Variants in SRGAP2 observed in about 807,000 individuals in gnomAD.
SRGAP2 encodes the protein SLIT-ROBO Rho GTPase activating protein 2.
SRGAP2 carries 15 observed loss-of-function variants against 57.2 expected under a neutral mutation model. The ratio of observed to expected loss-of-function variants is 0.26; its 90% CI spans 0.18 to 0.40. The LOEUF is 0.40. SRGAP2 is among the 10% of genes least tolerant of loss of function. SRGAP2 has a pLI of 1.00. For missense variants in SRGAP2, 520 were observed against 669.6 expected (o/e 0.78, Z 2.47); for synonymous variants, 249 against 248.0 (o/e 1.00, Z -0.04).
intron 11 of SRGAP2, among the ~76,000 whole-genome samples, chr1:206,417,414 CTT>C (rs1219905489): frequency 3.4e-3 from 373 of 110,774 alleles, no homozygotes; most frequent in African/African-American, 0.013. Context: ...GATCTTATGA[CTT>C]TTTTTTTTTT....
At chr1:206,423,839 A>G (rs537711304) in intron 13 of SRGAP2, among the ~76,000 whole-genome samples, 3 of 151,808 alleles carry the variant, frequency 2.0e-5, no homozygotes, top group South Asian at 2.1e-4. Flanking sequence ...CAGTGGCACA[A>G]TCTTGGCTCC....
intron 2 of SRGAP2, among the ~76,000 whole-genome samples, chr1:206,253,573 CTTTTTTT>C (rs71264673): frequency 2.0e-5 from 2 of 101,682 alleles, no homozygotes; most frequent in East Asian, 3.3e-4. Flanking sequence ...TTCTTTCTTT[CTTTTTTT>C]TTTTTTTTTT....
chr1:206,409,584 C>G (rs1434235444), intron 10 of SRGAP2, among the ~76,000 whole-genome samples: 2 of 152,014 alleles, frequency 1.3e-5, no homozygotes, highest in African/African-American at 4.8e-5. Flanking sequence ...GAGTTCAAGA[C>G]CAGCCTGGAC....
At position 206,324,827 on chromosome 1, in the gene SRGAP2, A is replaced by G. The variant is rs1211822594; in HGVS notation, c.261-18019A>G. Among the ~76,000 whole-genome samples the G allele has an allele frequency of 2.6e-5, 4 of 152,168 alleles. No homozygotes were observed. The East Asian group carries it at 7.7e-4, about 29-fold the overall frequency. On this transcript the variant is annotated intron_variant, in intron 3 of 22. Transcript: ENST00000573034. ...GGACCACTTATCTTACAGGTATGTAAGGAAGACACTGGGGTCATTTACAGA... is the reference window on the plus strand; with the variant it reads ...GGACCACTTATCTTACAGGTATGTAGGGAAGACACTGGGGTCATTTACAGA...
In SRGAP2 at chr1:206,446,226, G is replaced by C. The variant is rs377743666; in HGVS notation, c.2026G>C (p.Glu676Gln). 2 of 780,958 alleles carry C rather than the reference G, an allele frequency of 2.6e-6. No individual in the cohort carries two copies. Among genetic ancestry groups the C allele is most frequent in the African/African-American group, 3.4e-5 (2 of 59,282 alleles). The allele number at this position is 780,958 out of a possible 1,614,324, so 48.4% of individuals were successfully genotyped here. The change falls in exon 18 of 23, where the codon GAG becomes CAG. Residue 676 changes from glutamate to glutamine, a missense_variant. Glu to Gln is a conservative substitution (Grantham distance 29). Transcript: ENST00000573034. Reference sequence around the variant, plus strand: ...GATCAAAACCATCATCATCCAGCATGAGAACATCTTCCCAAGCCCCAGGGA... The same window carrying C: ...GATCAAAACCATCATCATCCAGCATCAGAACATCTTCCCAAGCCCCAGGGA... Reference protein sequence around the residue: ...ELIKTIIIQHENIFPSPRELE... With the variant: ...ELIKTIIIQHQNIFPSPRELE...
intron 2 of SRGAP2, among the ~76,000 whole-genome samples, chr1:206,289,596 GTGTTT>G (rs1671203286): frequency 6.7e-6 from 1 of 149,642 alleles, no homozygotes; most frequent in Non-Finnish European, 1.5e-5. Context: ...TTTTTTTTTG[GTGTTT>G]TGTTTTGTTT....
At chr1:206,210,991 A>G (rs1182623701) in intron 2 of SRGAP2, among the ~76,000 whole-genome samples, 1 of 152,222 alleles carries the variant, frequency 6.6e-6, no homozygotes, top group Non-Finnish European at 1.5e-5. Flanking sequence ...GCATCTTGCA[A>G]TTGAAAGACC....
rs782075572 is a variant in SRGAP2, at chr1:206,421,306, G to A, written c.1494+32G>A. On this transcript the variant is annotated intron_variant, in intron 13 of 22. Transcript: ENST00000573034. Reference sequence around the variant, plus strand: ...GCCCAAGCGGGGCCAGGCTGGTCTGGCCTGAAAATATAGTCCATCCCACAG... The same window carrying A: ...GCCCAAGCGGGGCCAGGCTGGTCTGACCTGAAAATATAGTCCATCCCACAG... The A allele has an allele frequency of 1.3e-5, 10 of 769,654 alleles. No individual in the cohort carries two copies. In the South Asian group the frequency reaches 1.4e-4, roughly 11 times the overall value. 47.7% of individuals were successfully genotyped at this position (769,654 alleles called of 1,614,324 possible). A position where few individuals can be genotyped will look rare whatever the true frequency, so the allele number is the denominator to read the frequency against.
intron 4 of SRGAP2, among the ~76,000 whole-genome samples, chr1:206,360,097 C>T (rs1253190836): frequency 3.0e-4 from 46 of 152,078 alleles, no homozygotes; most frequent in African/African-American, 9.7e-4. Flanking sequence ...TGAGCCACCG[C>T]GCCCGGCCGA....
In SRGAP2 at chr1:206,216,799, TG is replaced by T. The variant is rs1429418127; in HGVS notation, c.67+10763del. Reference sequence around the variant, plus strand: ...AGAAGGCATATTCTCTTTGTTTTTTTGTTTGTTTGTTTGTTTGTTTGTTTGT... The same window carrying T: ...AGAAGGCATATTCTCTTTGTTTTTTTTTTGTTTGTTTGTTTGTTTGTTTGT... On this transcript the variant is annotated intron_variant, in intron 2 of 22. Coordinates refer to ENST00000573034, the MANE Select transcript of SRGAP2 (RefSeq NM_015326.5). Among the ~76,000 whole-genome samples the T allele has an allele frequency of 7.2e-3, 574 of 79,676 alleles. 4 individuals are homozygous for T. Among genetic ancestry groups the T allele is most frequent in the African/African-American group, 0.032 (486 of 15,422 alleles). 52.3% of individuals were successfully genotyped at this position (79,676 alleles called of 152,430 possible).
At chr1:206,278,043 G>T (rs1211635550) in intron 2 of SRGAP2, among the ~76,000 whole-genome samples, 5 of 151,294 alleles carry the variant, frequency 3.3e-5, no homozygotes, top group African/African-American at 1.2e-4. Flanking sequence ...TACCAAGTAG[G>T]TGAAGATATA....
intron 18 of SRGAP2, among the ~76,000 whole-genome samples, chr1:206,446,514 C>G (rs1662774432): frequency 6.6e-6 from 1 of 152,204 alleles, no homozygotes; most frequent in African/African-American, 2.4e-5. Flanking sequence ...TTGATGAGTT[C>G]TGAGTGGCAA....
rs1389200861 is a variant in SRGAP2 at position 206,326,983 on chromosome 1, A to C, written c.261-15863A>C. On this transcript the variant is annotated intron_variant, in intron 3 of 22. Transcript: ENST00000573034. ...TTTGAGGCTACAGTGAACCATGGTC[A>C]TGCCCCTGTACTCCAACCTGGGCAA... 2.0e-5 allele frequency among the ~76,000 whole-genome samples: 3 copies of C among 152,102 alleles called. No individual in the cohort carries two copies. In the South Asian group the frequency reaches 6.2e-4, roughly 31 times the overall value.
At chr1:206,277,050 TC>T (rs1315813951) in intron 2 of SRGAP2, among the ~76,000 whole-genome samples, 1 of 151,668 alleles carries the variant, frequency 6.6e-6, no homozygotes, top group East Asian at 1.9e-4. Context: ...CGGCAACCTC[TC>T]CCTCCTGGGT....
At chr1:206,374,048 G>A (rs1409248555) in intron 4 of SRGAP2, among the ~76,000 whole-genome samples, 4 of 117,176 alleles carry the variant, frequency 3.4e-5, no homozygotes, top group East Asian at 2.6e-4. Flanking sequence ...TTTTTGAGAC[G>A]GAGTTTCGCT....
In SRGAP2 at chr1:206,382,651, A is replaced by G. The variant is rs530294276; in HGVS notation, c.424-1363A>G. On this transcript the variant is annotated intron_variant, in intron 4 of 22. Transcript: ENST00000573034. ...TTTGAGGTTTTCTAGTTTCCTTATT[A>G]TAATAAACATACATTACTTTTGTAA... is the stretch of plus-strand genomic sequence containing the variant. Among the ~76,000 whole-genome samples the G allele has an allele frequency of 9.9e-5, 15 of 152,262 alleles. 1 individual carries two copies. The East Asian group carries it at 2.9e-3, about 29-fold the overall frequency.
At chr1:206,296,636 T>C (rs1469077976) in intron 2 of SRGAP2, among the ~76,000 whole-genome samples, 8 of 152,226 alleles carry the variant, frequency 5.3e-5, no homozygotes, top group African/African-American at 1.7e-4. Flanking sequence ...TTTGCCATGT[T>C]GCCCAGGCTC....
chr1:206,314,116 TTTG>T lies in SRGAP2; in HGVS notation c.260+10664_260+10666del, dbSNP rs1171403452. On this transcript the variant is annotated intron_variant, in intron 3 of 22. Coordinates refer to ENST00000573034, the MANE Select transcript of SRGAP2 (RefSeq NM_015326.5). ...TTTTTGTTTTTTTTGTTTTTTTTTTTTTGTTGTTGTTGTTGTTGTTGTTTGGGT... is the reference window on the plus strand; with the variant it reads ...TTTTTGTTTTTTTTGTTTTTTTTTTTTTGTTGTTGTTGTTGTTGTTTGGGT... Among the ~76,000 whole-genome samples, 8 of 149,224 alleles carry T rather than the reference TTTG, an allele frequency of 5.4e-5. No individual in the cohort carries two copies. In the Middle Eastern group the frequency reaches 0.014, roughly 254 times the overall value.
intron 16 of SRGAP2, 65 bp from the exon 17 acceptor site, chr1:206,439,911 T>C: frequency 1.3e-6 from 1 of 753,026 alleles, no homozygotes; most frequent in Non-Finnish European, 2.5e-6. Context: ...AGTAGGGACT[T>C]CTGATCATTA....
Sources: allele counts gnomAD v4.1 joint callset (sites outside exome capture counted in the v4.1 genomes callset), GRCh38; gene constraint gnomAD v4.1.1; transcripts MANE v1.5; gene names NCBI Gene and HGNC (gene_info 2026-07-23, HGNC 2026-07-21).